Variants in ROBO1 observed in about 807,000 individuals in gnomAD.
The protein encoded by ROBO1 is roundabout guidance receptor 1.
Under a neutral mutation model 195.9 loss-of-function variants are expected in ROBO1, and 149 were observed. The observed-to-expected ratio is 0.76, with a 90% CI of 0.67 to 0.87. ROBO1 has a LOEUF of 0.87. ROBO1 is among the 40% of genes least tolerant of loss of function. ROBO1 has a pLI of 0.00. For synonymous variants in ROBO1, 816 were observed against 733.2 expected, an observed-to-expected ratio of 1.11 and a Z score of -1.82; for missense variants, 1,933 against 2,068.3, an observed-to-expected ratio of 0.93 and a Z score of 1.27.
At chr3:79,078,086 T>C (rs2079207340) in intron 3 of ROBO1, among the ~76,000 whole-genome samples, 2 of 151,826 alleles carry the variant, frequency 1.3e-5, no homozygotes, top group Admixed American at 1.3e-4. Context: ...ATGTGACTGC[T>C]TTTTGAAACC....
intron 4 of ROBO1, among the ~76,000 whole-genome samples, chr3:78,768,490 A>G (rs1377825065): frequency 6.6e-6 from 1 of 152,054 alleles, no homozygotes; most frequent in Non-Finnish European, 1.5e-5. Flanking sequence ...CATTCATGAC[A>G]ATTTTCCCTC....
chr3:78,770,479 T>C (rs906137192), intron 4 of ROBO1, among the ~76,000 whole-genome samples: 1 of 152,220 alleles, frequency 6.6e-6, no homozygotes, highest in African/African-American at 2.4e-5. Context: ...GACTATTTGC[T>C]TTTTGCTTGT....
At position 79,577,875 on chromosome 3, in the gene ROBO1, G is replaced by A. The variant is rs1041820529; in HGVS notation, c.88+11949C>T. Among the ~76,000 whole-genome samples, 13 of 151,832 alleles carry A rather than the reference G, an allele frequency of 8.6e-5. No homozygotes were observed. In the East Asian group the frequency reaches 2.3e-3, roughly 27 times the overall value. The stretch of plus-strand genomic sequence containing the variant: ...TGCAGTGAGCGGAGAGCGCGCCACC[G>A]CCCTCCAGCCTGGAAGACAGAGGGA... On this transcript the variant is annotated intron_variant, in intron 2 of 30. Transcript: ENST00000464233.
Position 79,126,381 on chromosome 3 carries a change from G to A in ROBO1, c.89-842C>T, listed in dbSNP as rs571566707. ...CGCAGAATTTTAGAGTGGAGGCTAAGCACAACAACACTCCAGTTTCCATAT... is the reference window on the plus strand; with the variant it reads ...CGCAGAATTTTAGAGTGGAGGCTAAACACAACAACACTCCAGTTTCCATAT... On this transcript the variant is annotated intron_variant, in intron 2 of 30. Transcript: ENST00000464233. 1.2e-3 allele frequency among the ~76,000 whole-genome samples: 188 copies of A among 152,262 alleles called. 2 individuals carry two copies. Among genetic ancestry groups the A allele is most frequent in the Non-Finnish European group, 9.9e-4 (67 of 68,016 alleles).
intron 3 of ROBO1, among the ~76,000 whole-genome samples, chr3:78,944,758 C>A (rs1293475207): frequency 6.6e-6 from 1 of 152,188 alleles, no homozygotes. Context: ...AATTCCCTTT[C>A]CTAGTCAAAG....
chr3:78,869,277 G>A (rs1204228079), intron 4 of ROBO1, among the ~76,000 whole-genome samples: 3 of 151,984 alleles, frequency 2.0e-5, no homozygotes, highest in Non-Finnish European at 4.4e-5. Context: ...AATATCATAT[G>A]GGTTGACTCC....
intron 2 of ROBO1, among the ~76,000 whole-genome samples, chr3:79,400,271 C>T (rs2037316408): frequency 1.3e-5 from 2 of 151,934 alleles, no homozygotes; most frequent in South Asian, 2.1e-4. Context: ...ATAAAAGATA[C>T]ATATATAACA....
rs149501046 is a variant in ROBO1, at chr3:79,182,044, T to G, written c.89-56505A>C. On this transcript the variant is annotated intron_variant, in intron 2 of 30. Coordinates refer to ENST00000464233, the MANE Select transcript of ROBO1 (RefSeq NM_002941.4). The stretch of plus-strand genomic sequence containing the variant: ...TTGGAAATCAAGGTCAGTTGTATAA[T>G]TTCTTCCTGTATGCTAGGATATATT... 3.4e-4 allele frequency among the ~76,000 whole-genome samples: 51 copies of G among 152,088 alleles called. 1 individual carries two copies.
At chr3:79,286,830 C>T (rs928588816) in intron 2 of ROBO1, among the ~76,000 whole-genome samples, 3 of 152,038 alleles carry the variant, frequency 2.0e-5, no homozygotes, top group Non-Finnish European at 2.9e-5. Context: ...TTTATAAATT[C>T]CAGATAAATG....
rs1304410100 is a variant in ROBO1, at chr3:78,969,504, T to C, written c.173-30577A>G. Reference sequence around the variant, plus strand: ...ACAATAACATATTTTATCCTGACTCTAGATCAGGGTATTTGAAAATGACTA... The same window carrying C: ...ACAATAACATATTTTATCCTGACTCCAGATCAGGGTATTTGAAAATGACTA... On this transcript the variant is annotated intron_variant, in intron 3 of 30. Coordinates refer to ENST00000464233, the MANE Select transcript of ROBO1 (RefSeq NM_002941.4). Among the ~76,000 whole-genome samples, 5 of 152,230 alleles carry C rather than the reference T, an allele frequency of 3.3e-5. No homozygotes were observed. The East Asian group carries it at 7.7e-4, about 23-fold the overall frequency.
intron 2 of ROBO1, among the ~76,000 whole-genome samples, chr3:79,384,921 T>C (rs1245422746): frequency 6.6e-6 from 1 of 152,070 alleles, no homozygotes; most frequent in Non-Finnish European, 1.5e-5. Flanking sequence ...AAGTTATGCA[T>C]CTTCTCTTCT....
chr3:78,918,564 C>T (rs564492029), intron 4 of ROBO1, among the ~76,000 whole-genome samples: 23 of 152,152 alleles, frequency 1.5e-4, no homozygotes, highest in African/African-American at 4.6e-4. Flanking sequence ...TTAGTGTTTG[C>T]TCTGTGTTTT....
intron 1 of ROBO1, among the ~76,000 whole-genome samples, chr3:79,677,155 C>T (rs2106943099): frequency 6.6e-6 from 1 of 152,002 alleles, no homozygotes; most frequent in South Asian, 2.1e-4. Flanking sequence ...ATGCAATATA[C>T]TGTGTTGAAA....
rs116729349 is a variant in ROBO1, at chr3:79,047,753, C to T, written c.172+77703G>A. Among the ~76,000 whole-genome samples the T allele has an allele frequency of 3.4e-3, 510 of 152,120 alleles. 3 individuals carry two copies. The highest frequency in any genetic ancestry group is 0.02 in the Middle Eastern group (6 of 294). ...TTATATGTTGCATCACTTTCCCATT[C>T]CTCCCGAAACCTTGAGCACATGGTA... is the stretch of plus-strand genomic sequence containing the variant. On this transcript the variant is annotated intron_variant, in intron 3 of 30. Transcript: ENST00000464233.
chr3:79,476,123 C>T lies in ROBO1; in HGVS notation c.88+113701G>A, dbSNP rs191394700. ...TAATTCTCCAAAGAAGATATACAAA[C>T]GGCCAATAAACATATGAAAAAATGC... On this transcript the variant is annotated intron_variant, in intron 2 of 30. Coordinates refer to ENST00000464233, the MANE Select transcript of ROBO1 (RefSeq NM_002941.4). Among the ~76,000 whole-genome samples, 16 of 151,974 alleles carry T rather than the reference C, an allele frequency of 1.1e-4. 1 individual carries two copies. The highest frequency in any genetic ancestry group is 8.3e-4 in the South Asian group (4 of 4,822).
At chr3:79,591,604 T>C (rs1944001352) in intron 1 of ROBO1, among the ~76,000 whole-genome samples, 1 of 151,916 alleles carries the variant, frequency 6.6e-6, no homozygotes, top group African/African-American at 2.4e-5. Context: ...ATCACTGATA[T>C]TATATAACTA....
chr3:79,355,524 C>A (rs2035515850), intron 2 of ROBO1, among the ~76,000 whole-genome samples: 1 of 152,154 alleles, frequency 6.6e-6, no homozygotes, highest in Non-Finnish European at 1.5e-5. Context: ...TATCTAACTG[C>A]AGCTTTGTAC....
intron 1 of ROBO1, among the ~76,000 whole-genome samples, chr3:79,654,696 GA>G (rs1946108812): frequency 6.7e-6 from 1 of 150,108 alleles, no homozygotes; most frequent in African/African-American, 2.5e-5. Context: ...GTTGACTTTT[GA>G]ATTGCACTCT....
intron 1 of ROBO1, among the ~76,000 whole-genome samples, chr3:79,623,569 A>G (rs1363463890): frequency 6.6e-6 from 1 of 152,202 alleles, no homozygotes; most frequent in African/African-American, 2.4e-5. Flanking sequence ...CAACAGTTGA[A>G]TCTACCAACT....
Sources: gnomAD v4.1 joint callset for allele counts (sites outside exome capture counted in the v4.1 genomes callset) on GRCh38, gnomAD v4.1.1 for gene constraint, MANE v1.5 for transcripts, NCBI Gene and HGNC (gene_info 2026-07-23, HGNC 2026-07-21) for gene names.